The following ROR2 variants were observed in gnomAD, a reference collection of about 807,000 sequenced individuals.
The protein encoded by ROR2 is tyrosine-protein kinase transmembrane receptor ROR2.
In ROR2, 33 loss-of-function variants were observed where a neutral mutation model predicts 74.9. That is an observed-to-expected ratio of 0.44 (90% CI 0.33 to 0.59). The LOEUF is 0.59. Among genes scored for constraint, ROR2 ranks in the 20% least tolerant of loss-of-function variants. ROR2 has a pLI of 0.02. For missense variants in ROR2, 1,216 were observed against 1,313.8 expected (o/e 0.93, Z 1.15); for synonymous variants, 586 against 558.7 (o/e 1.05, Z -0.69).
At position 91,810,171 on chromosome 9, in the gene ROR2, C is replaced by T. The variant is rs541355187; in HGVS notation, c.98-34353G>A. 4.6e-5 allele frequency among the ~76,000 whole-genome samples: 7 copies of T among 152,312 alleles called. No homozygotes were observed. The East Asian group carries it at 7.7e-4, about 17-fold the overall frequency. Reference sequence around the variant, plus strand: ...ACATTTCCCACCATGCCCGAGGCTACGGTGGCGACAGAATCAGAATGGGGT... The same window carrying T: ...ACATTTCCCACCATGCCCGAGGCTATGGTGGCGACAGAATCAGAATGGGGT... On this transcript the variant is annotated intron_variant, in intron 1 of 8. Transcript: ENST00000375708.
chr9:91,877,013 TCCCAAAA>T (rs1446784755), intron 1 of ROR2, among the ~76,000 whole-genome samples: 1 of 151,692 alleles, frequency 6.6e-6, no homozygotes, highest in African/African-American at 2.4e-5. Flanking sequence ...ACACAGAAGA[TCCCAAAA>T]CCCCTCCAAG....
At chr9:91,892,405 C>T (rs1333796696) in intron 1 of ROR2, among the ~76,000 whole-genome samples, 7 of 152,234 alleles carry the variant, frequency 4.6e-5, no homozygotes, top group African/African-American at 1.4e-4. Flanking sequence ...TCCCTTACCC[C>T]GCCCATGCCT....
chr9:91,776,654 C>T (rs964226152), intron 1 of ROR2, among the ~76,000 whole-genome samples: 26 of 152,234 alleles, frequency 1.7e-4, no homozygotes, highest in African/African-American at 6.3e-4. Context: ...TGCTACATAA[C>T]AGAGGCTGAC....
chr9:91,753,678 A>T (rs1385185915), intron 4 of ROR2, among the ~76,000 whole-genome samples: 1 of 152,166 alleles, frequency 6.6e-6, no homozygotes, highest in Non-Finnish European at 1.5e-5. Context: ...GTCACAATGG[A>T]ACAGTCACAT....
chr9:91,798,437 G>C (rs1827256277), intron 1 of ROR2, among the ~76,000 whole-genome samples: 2 of 119,558 alleles, frequency 1.7e-5, no homozygotes, highest in Non-Finnish European at 3.3e-5. Flanking sequence ...CTGACACCCT[G>C]GGCTCTGTGG....
chr9:91,831,298 TG>T (rs1216658143), intron 1 of ROR2, among the ~76,000 whole-genome samples: 1 of 152,122 alleles, frequency 6.6e-6, no homozygotes, highest in Non-Finnish European at 1.5e-5. Context: ...TTAATACTTT[TG>T]TAACGTAAGT....
At chr9:91,758,498 G>C (rs1347212646) in intron 2 of ROR2, among the ~76,000 whole-genome samples, 1 of 152,184 alleles carries the variant, frequency 6.6e-6, no homozygotes, top group Non-Finnish European at 1.5e-5. Context: ...CCTGTAAATA[G>C]AACAGAAGTT....
chr9:91,857,732 C>CGG lies in ROR2; in HGVS notation c.98-81915_98-81914insCC, dbSNP rs1291325742. ...GAGCTTAAATCCCCTCCCCTCCGCC[C>CGG]CCTCCCCACAGCTCCCAGCGATCAA... On this transcript the variant is annotated intron_variant, in intron 1 of 8. Transcript: ENST00000375708. 8.5e-5 allele frequency among the ~76,000 whole-genome samples: 13 copies of CGG among 152,292 alleles called. No individual in the cohort carries two copies. The South Asian group carries it at 1.5e-3, about 17-fold the overall frequency.
chr9:91,784,520 T>C (rs1223992230), intron 1 of ROR2, among the ~76,000 whole-genome samples: 1 of 152,134 alleles, frequency 6.6e-6, no homozygotes, highest in African/African-American at 2.4e-5. Flanking sequence ...ACGTCATCCG[T>C]GGTGATGGCA....
intron 1 of ROR2, among the ~76,000 whole-genome samples, chr9:91,793,985 C>G (rs115845922): frequency 0.018 from 2,665 of 152,214 alleles, 80 homozygotes; most frequent in African/African-American, 0.062. Context: ...GGACTTCTAC[C>G]AAAACCAGCC....
chr9:91,938,637 G>A (rs940804929), intron 1 of ROR2, among the ~76,000 whole-genome samples: 1 of 152,066 alleles, frequency 6.6e-6, no homozygotes, highest in Non-Finnish European at 1.5e-5. Context: ...GGAAGAAGGG[G>A]ATCTTATTCT....
At chr9:91,819,761 GTGTCTCAGTGTTCTGTGTGTA>G (rs1254805465) in intron 1 of ROR2, among the ~76,000 whole-genome samples, 1 of 151,540 alleles carries the variant, frequency 6.6e-6, no homozygotes, top group Admixed American at 6.6e-5. Context: ...TTCTGTGTGT[GTGTCTCAGTGTTCTGTGTGTA>G]TGTCTGTGTC....
chr9:91,811,730 G>A (rs950435499), intron 1 of ROR2, among the ~76,000 whole-genome samples: 1 of 152,214 alleles, frequency 6.6e-6, no homozygotes, highest in East Asian at 1.9e-4. Context: ...TGCCTGCCCT[G>A]TTTCCCTGCA....
At chr9:91,917,788 G>C (rs2119442917) in intron 1 of ROR2, among the ~76,000 whole-genome samples, 1 of 152,330 alleles carries the variant, frequency 6.6e-6, no homozygotes, top group Middle Eastern at 3.4e-3. Context: ...AGGCCAGCAG[G>C]GCACTCCTAC....
intron 1 of ROR2, among the ~76,000 whole-genome samples, chr9:91,779,187 G>A (rs944592214): frequency 6.6e-6 from 1 of 152,082 alleles, no homozygotes. Context: ...AGGGGAAACT[G>A]GGTGTGGGGT....
chr9:91,901,666 A>G (rs920250565), intron 1 of ROR2, among the ~76,000 whole-genome samples: 3 of 152,040 alleles, frequency 2.0e-5, no homozygotes, highest in Admixed American at 6.6e-5. Flanking sequence ...AAATACAAAA[A>G]TTAGCCAGGC....
chr9:91,905,346 AC>A lies in ROR2; in HGVS notation c.97+44520del, dbSNP rs768961964. On this transcript the variant is annotated intron_variant, in intron 1 of 8. Coordinates refer to ENST00000375708, the MANE Select transcript of ROR2 (RefSeq NM_004560.4). The surrounding 1 kb of genome is among the most constrained non-coding windows in gnomAD (Gnocchi z 5.3). Reference sequence around the variant, plus strand: ...AATCATACCACACAACACATACACAACCATCACACACCATACACACAAGACA... The same window carrying A: ...AATCATACCACACAACACATACACAACATCACACACCATACACACAAGACA... Among the ~76,000 whole-genome samples, 12 of 151,392 alleles carry A rather than the reference AC, an allele frequency of 7.9e-5. No individual in the cohort carries two copies. The highest frequency in any genetic ancestry group is 1.6e-4 in the Non-Finnish European group (11 of 67,798).
intron 4 of ROR2, among the ~76,000 whole-genome samples, chr9:91,749,264 C>T (rs1413218919): frequency 2.0e-5 from 3 of 152,164 alleles, no homozygotes; most frequent in Non-Finnish European, 4.4e-5. Flanking sequence ...TAACTAATAT[C>T]ATAGACGGTG....
At chr9:91,741,666 A>G (rs1825250735) in intron 4 of ROR2, among the ~76,000 whole-genome samples, 1 of 152,198 alleles carries the variant, frequency 6.6e-6, no homozygotes, top group African/African-American at 2.4e-5. Flanking sequence ...ACCCATTCTC[A>G]TAATTGTTTA....
Sources: allele counts gnomAD v4.1 joint callset (sites outside exome capture counted in the v4.1 genomes callset), GRCh38; gene constraint gnomAD v4.1.1; non-coding constraint Gnocchi (gnomAD v3.1); transcripts MANE v1.5; gene names NCBI Gene and HGNC (gene_info 2026-07-23, HGNC 2026-07-21).